The following WWP2 variants were observed in gnomAD, a reference collection of about 807,000 sequenced individuals.
WWP2 encodes the protein WW domain containing E3 ubiquitin protein ligase 2, also known as NEDD4-like E3 ubiquitin-protein ligase WWP2.
In WWP2, 57 loss-of-function variants were observed where a neutral mutation model predicts 121.0. The observed-to-expected ratio is 0.47, with a 90% CI of 0.38 to 0.59. The LOEUF (loss-of-function observed/expected upper bound fraction) is 0.59, where lower values mean the gene tolerates loss of function less well. Among genes scored for constraint, WWP2 ranks in the 20% least tolerant of loss-of-function variants. The pLI, the probability that WWP2 is intolerant of heterozygous loss-of-function variation, is 0.00. For missense variants in WWP2, 962 were observed against 1,158.9 expected (o/e 0.83, Z 2.47); for synonymous variants, 449 against 441.3 (o/e 1.02, Z -0.22).
At chr16:69,819,153 C>G (rs2056549002) in intron 4 of WWP2, among the ~76,000 whole-genome samples, 1 of 152,158 alleles carries the variant, frequency 6.6e-6, no homozygotes, top group African/African-American at 2.4e-5. Context: ...GTGACTGCTG[C>G]TGTCACCCAT....
Position 69,784,100 on chromosome 16 carries a change from T to C in WWP2, c.-15-2896T>C, listed in dbSNP as rs1445581616. Among the ~76,000 whole-genome samples the C allele has an allele frequency of 6.6e-4, 83 of 126,164 alleles. 1 individual carries two copies. The highest frequency in any genetic ancestry group is 5.4e-4 in the South Asian group (2 of 3,726). The allele number at this position is 126,164 out of a possible 152,430, so 82.8% of individuals were successfully genotyped here. A position where few individuals can be genotyped will look rare whatever the true frequency, so the allele number is the denominator to read the frequency against. On this transcript the variant is annotated intron_variant, in intron 1 of 23. Transcript: ENST00000359154. ...TTTTCTTTCTTTCTTTCTTTTTTTT[T>C]TTTTTTTTTTTTTTTTGAGACGGAG...
At chr16:69,780,084 G>A (rs1028745579) in intron 1 of WWP2, among the ~76,000 whole-genome samples, 27 of 152,224 alleles carry the variant, frequency 1.8e-4, no homozygotes, top group African/African-American at 6.0e-4. Context: ...CAATTCCCCT[G>A]CTCCCTCCTC....
At chr16:69,932,478 C>T (rs2058732059) in intron 16 of WWP2, among the ~76,000 whole-genome samples, 1 of 152,236 alleles carries the variant, frequency 6.6e-6, no homozygotes, top group Non-Finnish European at 1.5e-5. Context: ...CTGGGAGGGG[C>T]GAGAGCTCAG....
At chr16:69,932,701 A>G (rs2058734685) in intron 16 of WWP2, among the ~76,000 whole-genome samples, 1 of 152,170 alleles carries the variant, frequency 6.6e-6, no homozygotes, top group Non-Finnish European at 1.5e-5. Context: ...GCAGGGCTCA[A>G]CTGCATGTCA....
chr16:69,911,469 T>TGTTTGGGGAAGGATGC (rs1257027346), intron 9 of WWP2, among the ~76,000 whole-genome samples: 1 of 151,908 alleles, frequency 6.6e-6, no homozygotes, highest in African/African-American at 2.4e-5. Flanking sequence ...GGAAAGGATG[T>TGTTTGGGGAAGGATGC]GTTTGGGGAA....
intron 8 of WWP2, among the ~76,000 whole-genome samples, chr16:69,905,433 A>G (rs747369807): frequency 2.1e-4 from 32 of 152,194 alleles, no homozygotes; most frequent in Non-Finnish European, 4.1e-4. Context: ...CTGTGGACCC[A>G]TTACAGGTTG....
intron 7 of WWP2, among the ~76,000 whole-genome samples, chr16:69,884,837 A>C (rs1166939597): frequency 1.3e-5 from 2 of 152,188 alleles, no homozygotes; most frequent in African/African-American, 4.8e-5. Context: ...CAGGAAGCCA[A>C]ATAGTTGATA....
chr16:69,837,801 G>T (rs2056903275), intron 4 of WWP2, among the ~76,000 whole-genome samples: 1 of 152,138 alleles, frequency 6.6e-6, no homozygotes, highest in Admixed American at 6.5e-5. Flanking sequence ...TTTAGGAGAT[G>T]ACCTGGAAAC....
At position 69,937,657 on chromosome 16, in the gene WWP2, G is replaced by T; in HGVS notation, c.2343+5G>T. ...CAGATCCAGTGGTTCTGGCAGGTGG[G>T]TCCCGGGCCCAGGCCTTGGCAGGGA... On this transcript the variant is annotated splice_donor_5th_base_variant and intron_variant, in intron 21 of 23. Transcript: ENST00000359154. This position sits in a 1 kb window ranked among gnomAD's most constrained non-coding sequence, Gnocchi z 6.6. The T allele has an allele frequency of 6.2e-7, 1 of 1,613,806 alleles. No individual in the cohort carries two copies. Among genetic ancestry groups the T allele is most frequent in the Non-Finnish European group, 8.5e-7 (1 of 1,179,922 alleles).
intron 2 of WWP2, 118 bp from the exon 3 acceptor site, chr16:69,798,564 C>A (rs2151812659): frequency 8.5e-6 from 10 of 1,172,290 alleles, no homozygotes; most frequent in East Asian, 2.9e-5. Flanking sequence ...CAAGACAAAA[C>A]AAAATGTATT....
At chr16:69,893,023 G>A (rs894450931) in intron 8 of WWP2, among the ~76,000 whole-genome samples, 4 of 152,184 alleles carry the variant, frequency 2.6e-5, no homozygotes, top group Admixed American at 6.5e-5. Flanking sequence ...CCTAAGCCAC[G>A]ATAACTTAAC....
intron 6 of WWP2, among the ~76,000 whole-genome samples, chr16:69,861,358 C>T (rs977202363): frequency 6.6e-6 from 1 of 152,232 alleles, no homozygotes; most frequent in Non-Finnish European, 1.5e-5. Context: ...TATACCTTCT[C>T]TCTCAAGGTG....
intron 1 of WWP2, among the ~76,000 whole-genome samples, chr16:69,779,779 G>T (rs965834814): frequency 3.9e-5 from 6 of 152,058 alleles, no homozygotes; most frequent in Non-Finnish European, 8.8e-5. Flanking sequence ...GATTTCCAGC[G>T]TTTAGTGCTT....
chr16:69,858,071 C>T (rs572019627), intron 6 of WWP2, among the ~76,000 whole-genome samples: 5 of 151,930 alleles, frequency 3.3e-5, no homozygotes, highest in Admixed American at 6.6e-5. Flanking sequence ...GATTAGGGCC[C>T]GGTTGGTTTT....
chr16:69,914,117 GAGATAAGA>G (rs927525102), intron 9 of WWP2, among the ~76,000 whole-genome samples: 3 of 147,118 alleles, frequency 2.0e-5, no homozygotes, highest in Non-Finnish European at 3.0e-5. Flanking sequence ...GATAAATTTG[GAGATAAGA>G]AGATGAGAAG....
rs943467547 is a variant in WWP2, at chr16:69,876,165, C to T, written c.703+4234C>T. The stretch of plus-strand genomic sequence containing the variant: ...TAGAGATGGGGTTTCATCATGTGGG[C>T]CAGTCTGGTCTTGAACTCCTGACCT... On this transcript the variant is annotated intron_variant, in intron 7 of 23. Coordinates refer to ENST00000359154, the MANE Select transcript of WWP2 (RefSeq NM_001270454.2). Among the ~76,000 whole-genome samples the T allele has an allele frequency of 2.0e-5, 3 of 152,172 alleles. No individual in the cohort carries two copies. In the South Asian group the frequency reaches 6.2e-4, roughly 32 times the overall value.
chr16:69,827,827 G>A (rs559071535), intron 4 of WWP2: 9 of 452,180 alleles, frequency 2.0e-5, no homozygotes, highest in African/African-American at 1.0e-4. Context: ...CAAGGCAGCA[G>A]TAATGATGTG....
chr16:69,903,784 A>G (rs2058244743), intron 8 of WWP2, among the ~76,000 whole-genome samples: 1 of 149,670 alleles, frequency 6.7e-6, no homozygotes, highest in South Asian at 2.1e-4. Flanking sequence ...AAAAAAAAGA[A>G]AGAAAGAAAA....
chr16:69,795,108 C>T (rs528946005), intron 2 of WWP2, among the ~76,000 whole-genome samples: 25 of 152,254 alleles, frequency 1.6e-4, no homozygotes, highest in Admixed American at 1.1e-3. Context: ...TGGTGTTGCG[C>T]ACTGGTAGTC....
Sources: allele counts gnomAD v4.1 joint callset (sites outside exome capture counted in the v4.1 genomes callset), GRCh38; gene constraint gnomAD v4.1.1; non-coding constraint Gnocchi (gnomAD v3.1); transcripts MANE v1.5; gene names NCBI Gene and HGNC (gene_info 2026-07-23, HGNC 2026-07-21).